DMD: variants seen among roughly 807,000 people sequenced by gnomAD.
DMD encodes dystrophin.
DMD carries 63 observed loss-of-function variants against 330.1 expected under a neutral mutation model. The ratio of observed to expected loss-of-function variants is 0.19; its 90% CI spans 0.16 to 0.24. The LOEUF (loss-of-function observed/expected upper bound fraction) is 0.24. DMD is among the 10% of genes least tolerant of loss of function. The pLI is 1.00. For synonymous variants in DMD, 1,223 were observed against 959.8 expected, an observed-to-expected ratio of 1.27 and a Z score of -5.07; for missense variants, 3,344 against 2,684.1, an observed-to-expected ratio of 1.25 and a Z score of -5.43.
intron 1 of DMD, among the ~76,000 whole-genome samples, chrX:33,070,159 T>A (rs1395252668): frequency 8.9e-6 from 1 of 111,990 alleles, no homozygotes; most frequent in Non-Finnish European, 1.9e-5. Context: ...TAAAATCTCA[T>A]CTAAACATTG....
At chrX:32,170,465 C>G (rs1364415467) in intron 44 of DMD, among the ~76,000 whole-genome samples, 1 of 107,435 alleles carries the variant, frequency 9.3e-6, no homozygotes, top group Non-Finnish European at 1.9e-5. Context: ...GAGCGAAACT[C>G]CATCTCAAAT....
At chrX:32,406,164 G>T (rs2098116003) in intron 30 of DMD, among the ~76,000 whole-genome samples, 1 of 111,215 alleles carries the variant, frequency 9.0e-6, no homozygotes, top group East Asian at 2.8e-4. Flanking sequence ...TGAGACAATG[G>T]GGTTTTCTAG....
chrX:33,088,778 G>A (rs750544466), intron 1 of DMD, among the ~76,000 whole-genome samples: 1 of 112,118 alleles, frequency 8.9e-6, no homozygotes, highest in South Asian at 3.7e-4. Flanking sequence ...TTAATGAGTG[G>A]CTTGGAAATT....
intron 52 of DMD, among the ~76,000 whole-genome samples, chrX:31,703,221 A>G (rs150471784): frequency 0.027 from 3,070 of 111,672 alleles, 37 homozygotes; most frequent in Middle Eastern, 0.046. Context: ...CTCTTTACCT[A>G]TCCTACAAGA....
chrX:32,496,495 A>T (rs2043498580), intron 19 of DMD, among the ~76,000 whole-genome samples: 1 of 112,146 alleles, frequency 8.9e-6, no homozygotes, highest in South Asian at 3.7e-4. Flanking sequence ...ACCCCTAGTG[A>T]GGGCAATATA....
At chrX:31,182,980 T>A in intron 67 of DMD, 76 bp from the exon 68 acceptor site, 1 of 873,459 alleles carries the variant, frequency 1.1e-6, no homozygotes, top group Non-Finnish European at 1.6e-6. Flanking sequence ...AGGAGGTGTA[T>A]ATCAGTTCGA....
At chrX:32,544,919 T>C (rs936506513) in intron 17 of DMD, among the ~76,000 whole-genome samples, 6 of 111,176 alleles carry the variant, frequency 5.4e-5, no homozygotes, top group Non-Finnish European at 1.1e-4. Flanking sequence ...CTATAGTTTC[T>C]ATAGTTTCTT....
chrX:32,757,024 G>A (rs928904818), intron 7 of DMD, among the ~76,000 whole-genome samples: 1 of 111,367 alleles, frequency 9.0e-6, no homozygotes, highest in Admixed American at 9.6e-5. Context: ...AACTCTTAAA[G>A]AGATTAGCTC....
intron 9 of DMD, among the ~76,000 whole-genome samples, chrX:32,670,905 A>C: frequency 9.0e-6 from 1 of 111,187 alleles, no homozygotes; most frequent in East Asian, 2.8e-4. Context: ...AATGTTGACA[A>C]ATGTGTACTT....
At chrX:32,789,798 C>A (rs958587943) in intron 7 of DMD, among the ~76,000 whole-genome samples, 1 of 111,523 alleles carries the variant, frequency 9.0e-6, no homozygotes, top group East Asian at 2.8e-4. Flanking sequence ...CACTCTTCTA[C>A]CAAAAGGAAC....
intron 2 of DMD, among the ~76,000 whole-genome samples, chrX:33,009,974 G>GTATGTGTA (rs2093631954): frequency 1.9e-5 from 1 of 51,828 alleles, no homozygotes; most frequent in South Asian, 1.0e-3. Context: ...ACATATGTGT[G>GTATGTGTA]TATACACATG....
chrX:33,176,605 C>T (rs992144078), intron 1 of DMD, among the ~76,000 whole-genome samples: 2 of 109,806 alleles, frequency 1.8e-5, no homozygotes, highest in Non-Finnish European at 1.9e-5. Flanking sequence ...CACACTCAAG[C>T]TGTTGATGGA....
At chrX:32,949,349 GA>G (rs750627194) in intron 2 of DMD, among the ~76,000 whole-genome samples, 1,470 of 60,660 alleles carry the variant, frequency 0.024, 45 homozygotes, top group Admixed American at 0.096. Flanking sequence ...TAGGTAGATA[GA>G]TAGATAGATA....
chrX:32,843,234 G>T (rs187436795), intron 4 of DMD, among the ~76,000 whole-genome samples: 1 of 112,161 alleles, frequency 8.9e-6, no homozygotes, highest in Admixed American at 9.4e-5. Context: ...TCTGTGTTCC[G>T]CTCTTTTCTT....
At chrX:31,169,209 C>G (rs972297282) in intron 74 of DMD, among the ~76,000 whole-genome samples, 2 of 110,456 alleles carry the variant, frequency 1.8e-5, no homozygotes, top group African/African-American at 6.6e-5. Context: ...CCACCATCAG[C>G]ATTAACTCCT....
At chrX:32,608,355 A>C (rs768533613) in intron 12 of DMD, among the ~76,000 whole-genome samples, 19 of 110,794 alleles carry the variant, frequency 1.7e-4, no homozygotes, top group African/African-American at 6.2e-4. Flanking sequence ...CGTAGACTAT[A>C]AAAGTGTGAT....
At chrX:31,914,048 A>G (rs16989953) in intron 47 of DMD, among the ~76,000 whole-genome samples, 31,677 of 111,781 alleles carry the variant, frequency 0.28, 5,613 homozygotes, top group African/African-American at 0.67. Flanking sequence ...GTGGGATTAC[A>G]TAAAAAGCAA....
chrX:32,732,533 A>T (rs1377820173), intron 7 of DMD, among the ~76,000 whole-genome samples: 1 of 111,545 alleles, frequency 9.0e-6, no homozygotes, highest in Non-Finnish European at 1.9e-5. Flanking sequence ...TTACCCTCAA[A>T]GGGAAGCCCA....
At chrX:32,719,097 T>C (rs949153089) in intron 7 of DMD, among the ~76,000 whole-genome samples, 2 of 111,756 alleles carry the variant, frequency 1.8e-5, no homozygotes, top group South Asian at 7.5e-4. Flanking sequence ...TAAACATAAC[T>C]GGACATAGTT....
Sources: allele counts gnomAD v4.1 joint callset (sites outside exome capture counted in the v4.1 genomes callset), GRCh38; gene constraint gnomAD v4.1.1; transcripts MANE v1.5; gene names NCBI Gene and HGNC (gene_info 2026-07-23, HGNC 2026-07-21).